CBLB: variants seen among roughly 807,000 people sequenced by gnomAD.
The protein encoded by CBLB is E3 ubiquitin-protein ligase CBL-B.
CBLB carries 31 observed loss-of-function variants against 104.9 expected under a neutral mutation model. The ratio of observed to expected loss-of-function variants is 0.30; its 90% CI spans 0.22 to 0.40. The LOEUF is 0.40. Among genes scored for constraint, CBLB ranks in the 10% least tolerant of loss-of-function variants. The pLI is 1.00. For missense variants in CBLB, 1,062 were observed against 1,214.6 expected, an observed-to-expected ratio of 0.87 and a Z score of 1.87; for synonymous variants, 440 against 422.6, an observed-to-expected ratio of 1.04 and a Z score of -0.51.
chr3:105,768,970 G>A (rs1440902592), intron 4 of CBLB, among the ~76,000 whole-genome samples: 2 of 152,192 alleles, frequency 1.3e-5, no homozygotes, highest in African/African-American at 4.8e-5. Context: ...TGGAAATTGA[G>A]AGTAGAGGAT....
chr3:105,787,452 G>A (rs989010534), intron 3 of CBLB, among the ~76,000 whole-genome samples: 4 of 152,090 alleles, frequency 2.6e-5, no homozygotes, highest in Non-Finnish European at 5.9e-5. Context: ...ATAAAACCAG[G>A]GGGTTGTGGT....
intron 10 of CBLB, among the ~76,000 whole-genome samples, chr3:105,717,983 G>T (rs571685127): frequency 6.6e-6 from 1 of 152,142 alleles, no homozygotes; most frequent in East Asian, 1.9e-4. Context: ...TTTACGAAGG[G>T]GTAAACTGAG....
chr3:105,662,851 G>T (rs13084260), intron 18 of CBLB, among the ~76,000 whole-genome samples: 1 of 152,002 alleles, frequency 6.6e-6, no homozygotes, highest in East Asian at 1.9e-4. Context: ...TATAAAAGAA[G>T]AGAGTGATGT....
chr3:105,737,043 T>C (rs2075026848), intron 8 of CBLB, 128 bp downstream of exon 8: 2 of 446,234 alleles, frequency 4.5e-6, no homozygotes, highest in South Asian at 6.0e-5. Context: ...TAAACACTCT[T>C]AGAATTCCTT....
intron 6 of CBLB, among the ~76,000 whole-genome samples, chr3:105,745,358 T>C (rs1056303682): frequency 6.6e-6 from 1 of 152,240 alleles, no homozygotes; most frequent in Non-Finnish European, 1.5e-5. Flanking sequence ...AGTTTCATCA[T>C]GTGGAAAATA....
Position 105,740,513 on chromosome 3 carries a change from C to T in CBLB, c.964G>A (p.Asp322Asn). The T allele has an allele frequency of 1.2e-6, 2 of 1,614,076 alleles. No homozygotes were observed. The highest frequency in any genetic ancestry group is 1.7e-6 in the Non-Finnish European group (2 of 1,179,958). Residue 322 changes from aspartate to asparagine, a missense_variant, in exon 7 of 19, where the codon GAT becomes AAT. Transcript: ENST00000394030. ...ACTTACAATCCTTCCCTGCTGCCAT[C>T]AATCAGGGCTTGAAATAAGGGCTTG... Reference protein sequence around the residue: ...HNKPLFQALIDGSREGFYLYP... With the variant: ...HNKPLFQALINGSREGFYLYP...
rs181869562 is a variant in CBLB at position 105,785,694 on chromosome 3, G to A, written c.420-9152C>T. 6.2e-3 allele frequency among the ~76,000 whole-genome samples: 950 copies of A among 152,132 alleles called. 30 individuals are homozygous for A. Among genetic ancestry groups the A allele is most frequent in the East Asian group, 0.052 (271 of 5,172 alleles). ...ACAAGTAAAATACAAATGAACCAAA[G>A]GAGGAAAAAAGTCATCTCTCTGGTG... On this transcript the variant is annotated intron_variant, in intron 3 of 18. Transcript: ENST00000394030.
At chr3:105,761,893 T>C (rs1025213873) in intron 4 of CBLB, among the ~76,000 whole-genome samples, 5 of 152,098 alleles carry the variant, frequency 3.3e-5, no homozygotes, top group African/African-American at 7.2e-5. Context: ...TTGACGAAAA[T>C]GCTGATAGTG....
intron 11 of CBLB, among the ~76,000 whole-genome samples, chr3:105,702,992 A>C (rs1396025280): frequency 1.3e-5 from 2 of 152,210 alleles, no homozygotes; most frequent in African/African-American, 4.8e-5. Context: ...TATTACCAGA[A>C]TAGTAAAAGA....
chr3:105,827,320 T>A (rs1420955249), intron 3 of CBLB, among the ~76,000 whole-genome samples: 1 of 152,188 alleles, frequency 6.6e-6, no homozygotes, highest in African/African-American at 2.4e-5. Context: ...ATGAAACTTT[T>A]TTTTTCCCTC....
intron 7 of CBLB, among the ~76,000 whole-genome samples, chr3:105,737,613 T>C (rs936907819): frequency 2.6e-5 from 4 of 152,158 alleles, no homozygotes; most frequent in South Asian, 2.1e-4. Flanking sequence ...AACTATTACA[T>C]CCTTCATCTG....
chr3:105,776,541 G>C lies in CBLB; in HGVS notation c.421C>G (p.Arg141Gly). The C allele has an allele frequency of 1.9e-6, 3 of 1,613,390 alleles. No individual in the cohort carries two copies. Among genetic ancestry groups the C allele is most frequent in the Non-Finnish European group, 2.5e-6 (3 of 1,179,702 alleles). The change falls in exon 4 of 19, where the codon CGA becomes GGA. Residue 141 changes from arginine (R) to glycine (G), a missense_variant and splice_region_variant. By Grantham distance (125) the Arg-to-Gly change is moderately radical. Around this residue, in one of 2 missense-constraint regions of CBLB, gnomAD observed 457 missense variants for 632.0 expected, o/e 0.72. Transcript: ENST00000394030. ...ATAAGGGACAGTTTTGTGAGATTTC[G>C]TCTGTAGGCACAAGGGAAAAAAATG... ...RMYEEQSQDR[R>G]NLTKLSLIFS... is the part of the protein sequence containing the mutation.
intron 10 of CBLB, among the ~76,000 whole-genome samples, chr3:105,718,133 C>T (rs2072195612): frequency 6.6e-6 from 1 of 152,026 alleles, no homozygotes; most frequent in South Asian, 2.1e-4. Flanking sequence ...ATTATTTTTT[C>T]TTGTTCATCC....
intron 3 of CBLB, among the ~76,000 whole-genome samples, chr3:105,848,150 G>T (rs975029480): frequency 1.3e-5 from 2 of 151,946 alleles, no homozygotes; most frequent in Non-Finnish European, 2.9e-5. Context: ...TGAACTGTTT[G>T]CAGGAAAAGA....
chr3:105,822,063 T>G (rs1487200363), intron 3 of CBLB, among the ~76,000 whole-genome samples: 2 of 152,158 alleles, frequency 1.3e-5, no homozygotes, highest in African/African-American at 4.8e-5. Context: ...GTATAAGTTA[T>G]TTAACCAATT....
At chr3:105,721,197 G>A (rs1364767002) in intron 9 of CBLB, among the ~76,000 whole-genome samples, 3 of 152,182 alleles carry the variant, frequency 2.0e-5, no homozygotes, top group Non-Finnish European at 4.4e-5. Flanking sequence ...GGAGAAATGG[G>A]ATGAAATAGC....
intron 4 of CBLB, among the ~76,000 whole-genome samples, chr3:105,766,340 G>T (rs2078221965): frequency 6.6e-6 from 1 of 152,176 alleles, no homozygotes; most frequent in Admixed American, 6.5e-5. Flanking sequence ...CAGACACTTG[G>T]TTGATAAAGC....
intron 3 of CBLB, among the ~76,000 whole-genome samples, chr3:105,817,241 A>G (rs2153049867): frequency 6.6e-6 from 1 of 152,296 alleles, no homozygotes; most frequent in South Asian, 2.1e-4. Flanking sequence ...ATTGGGGAGC[A>G]AGATATTAGA....
chr3:105,665,702 CA>C (rs1317733569), intron 18 of CBLB, among the ~76,000 whole-genome samples: 37 of 147,886 alleles, frequency 2.5e-4, no homozygotes, highest in Admixed American at 2.0e-3. Context: ...TATATAAATA[CA>C]ATTATATATA....
Sources: gnomAD v4.1 joint callset for allele counts (sites outside exome capture counted in the v4.1 genomes callset) on GRCh38, gnomAD v4.1.1 for gene constraint, gnomAD v4.1.1 regional missense constraint, MANE v1.5 for transcripts, NCBI Gene and HGNC (gene_info 2026-07-23, HGNC 2026-07-21) for gene names.